Variants in CLEC12A observed in about 807,000 individuals in gnomAD.
The protein encoded by CLEC12A is C-type lectin protein CLL-1.
CLEC12A carries 22 observed loss-of-function variants against 26.5 expected under a neutral mutation model. The ratio of observed to expected loss-of-function variants is 0.83; its 90% CI spans 0.59 to 1.19. The LOEUF (loss-of-function observed/expected upper bound fraction) is 1.19. Among genes scored for constraint, CLEC12A ranks in the 50% most tolerant of loss-of-function variants. The probability of loss-of-function intolerance (pLI) is 0.00; values close to 1 mark genes in which losing one functional copy is unlikely to be tolerated. For missense variants in CLEC12A, 353 were observed against 315.6 expected (o/e 1.12, Z -0.90); for synonymous variants, 119 against 101.9 (o/e 1.17, Z -1.01).
At chr12:9,953,532 C>G (rs866532923) in intron 1 of CLEC12A, among the ~76,000 whole-genome samples, 2 of 151,436 alleles carry the variant, frequency 1.3e-5, no homozygotes, top group Admixed American at 1.3e-4. Flanking sequence ...CCGCCCCCTA[C>G]TGGGAAGTGA....
chr12:9,984,114 T>C (rs1346002722), intron 5 of CLEC12A: 2 of 207,074 alleles, frequency 9.7e-6, no homozygotes, highest in Admixed American at 1.1e-4. Context: ...TATATATGTG[T>C]GTGTGTGTGT....
At chr12:9,995,011 GAATTAGCAGGT>G in intron 4 of CLEC12A, 1 of 1,568,864 alleles carries the variant, frequency 6.4e-7, no homozygotes, top group Non-Finnish European at 8.6e-7. Context: ...TGTCTTGTTT[GAATTAGCAGGT>G]AAGTGACCCA....
In CLEC12A at chr12:9,984,865, T is replaced by C; in HGVS notation, c.642-5T>C. ...CCAAGTGTAATTCTTTACTTTCTCT[T>C]TCAGGGTTATAAGAAACGCACCTGA... is the stretch of plus-strand genomic sequence containing the variant. On this transcript the variant is annotated splice_polypyrimidine_tract_variant and splice_region_variant and intron_variant, in intron 5 of 5. Coordinates refer to ENST00000304361, the MANE Select transcript of CLEC12A (RefSeq NM_138337.6). The C allele has an allele frequency of 6.8e-7, 1 of 1,480,702 alleles. No individual in the cohort carries two copies. Among genetic ancestry groups the C allele is most frequent in the Non-Finnish European group, 9.0e-7 (1 of 1,113,434 alleles). The allele number at this position is 1,480,702 out of a possible 1,614,324, so 91.7% of individuals were successfully genotyped here.
chr12:9,952,821 C>G (rs1413849999), intron 1 of CLEC12A: 1 of 106,050 alleles, frequency 9.4e-6, no homozygotes, highest in African/African-American at 3.8e-5. Context: ...GCGCCTCTGC[C>G]CCGCCGCCCC....
At chr12:9,996,510 A>G (rs1217082443), downstream of CLEC12A, among the ~76,000 whole-genome samples, 4 of 150,694 alleles carry the variant, frequency 2.7e-5, no homozygotes, top group African/African-American at 9.7e-5. Flanking sequence ...CTGAGTCCAC[A>G]GAAACAGTAA....
At chr12:9,981,689 A>G (rs1387624179) in intron 4 of CLEC12A, among the ~76,000 whole-genome samples, 2 of 152,008 alleles carry the variant, frequency 1.3e-5, no homozygotes, top group Non-Finnish European at 2.9e-5. Context: ...TATAGCCATT[A>G]CCCACCTCCT....
the CLEC12A span, among the ~76,000 whole-genome samples, chr12:10,000,944 C>T: frequency 3.3e-5 from 5 of 152,062 alleles, no homozygotes; most frequent in Non-Finnish European, 7.4e-5. Context: ...ATAACTGTGA[C>T]AAAGTAACAG....
intron 1 of CLEC12A, among the ~76,000 whole-genome samples, chr12:9,973,331 A>G (rs758516164): frequency 2.6e-5 from 4 of 152,058 alleles, no homozygotes; most frequent in Non-Finnish European, 5.9e-5. Flanking sequence ...CTGGGCACCC[A>G]TAGTCTCAGC....
chr12:9,980,442 A>G (rs992773546), intron 3 of CLEC12A, 140 bp from the exon 4 acceptor site: 12 of 946,784 alleles, frequency 1.3e-5, no homozygotes, highest in Non-Finnish European at 1.8e-5. Flanking sequence ...TGTCAAAAAA[A>G]AAAAAAGGGG....
the CLEC12A span, among the ~76,000 whole-genome samples, chr12:10,004,352 G>A: frequency 6.6e-6 from 1 of 152,196 alleles, no homozygotes; most frequent in African/African-American, 2.4e-5. Context: ...TGAACTCAAA[G>A]GATGAATGTG....
At chr12:9,976,457 C>T (rs530513514) in intron 1 of CLEC12A, among the ~76,000 whole-genome samples, 2 of 152,320 alleles carry the variant, frequency 1.3e-5, no homozygotes, top group Non-Finnish European at 2.9e-5. Context: ...TGCATGGGGC[C>T]TGTAGCCCCT....
chr12:9,960,031 C>G (rs1326693575), intron 1 of CLEC12A, among the ~76,000 whole-genome samples: 1 of 152,166 alleles, frequency 6.6e-6, no homozygotes, highest in African/African-American at 2.4e-5. Context: ...TACTGAAGAC[C>G]TGGAAATCCC....
At chr12:9,976,532 A>G (rs1018949472) in intron 1 of CLEC12A, among the ~76,000 whole-genome samples, 2 of 152,206 alleles carry the variant, frequency 1.3e-5, no homozygotes, top group Non-Finnish European at 2.9e-5. Context: ...CTCTCATTGT[A>G]TCTAGGAAGT....
At chr12:9,986,610 A>G (rs531681691), downstream of CLEC12A, among the ~76,000 whole-genome samples, 1 of 152,310 alleles carries the variant, frequency 6.6e-6, no homozygotes, top group African/African-American at 2.4e-5. Flanking sequence ...CAGGAGTTCA[A>G]GACCAGACTG....
chr12:9,980,029 T>A (rs968539035), intron 3 of CLEC12A, among the ~76,000 whole-genome samples: 1 of 152,172 alleles, frequency 6.6e-6, no homozygotes, highest in Non-Finnish European at 1.5e-5. Flanking sequence ...AACCTCAAAG[T>A]TTCAACATTT....
chr12:9,999,536 G>C (rs866883055), downstream of CLEC12A, among the ~76,000 whole-genome samples: 1 of 152,212 alleles, frequency 6.6e-6, no homozygotes, highest in Admixed American at 6.5e-5. Context: ...CAGATATATA[G>C]TTTATCTCAT....
At chr12:10,003,384 GA>G in the CLEC12A span, among the ~76,000 whole-genome samples, 739 of 152,142 alleles carry the variant, frequency 4.9e-3, 2 homozygotes, top group African/African-American at 0.017. Context: ...GAAACTGAAG[GA>G]AAAAATGTGT....
Position 9,985,188 on chromosome 12 carries a change from T to A in CLEC12A, c.*162T>A. 1.4e-6 allele frequency: 1 copy of A among 723,154 alleles called. No individual in the cohort carries two copies. The highest frequency in any genetic ancestry group is 2.0e-6 in the Non-Finnish European group (1 of 507,514). 44.8% of individuals were successfully genotyped at this position (723,154 alleles called of 1,614,324 possible). A position where few individuals can be genotyped will look rare whatever the true frequency, so the allele number is the denominator to read the frequency against. On this transcript the variant is annotated 3_prime_UTR_variant, in exon 6 of 6. Coordinates refer to ENST00000304361, the MANE Select transcript of CLEC12A (RefSeq NM_138337.6). ...GTAGCAAGCTTCAGAGAGAATAGAC[T>A]GTGAATGTTAATGCCAGAGAGGTAT...
At chr12:10,005,733 C>T in the CLEC12A span, among the ~76,000 whole-genome samples, 1 of 152,162 alleles carries the variant, frequency 6.6e-6, no homozygotes, top group African/African-American at 2.4e-5. Context: ...TAATACATTT[C>T]AAAATAAATT....
Sources: gnomAD v4.1 joint callset for allele counts (sites outside exome capture counted in the v4.1 genomes callset) on GRCh38, gnomAD v4.1.1 for gene constraint, MANE v1.5 for transcripts, NCBI Gene and HGNC (gene_info 2026-07-23, HGNC 2026-07-21) for gene names.